Variants in SMURF2 observed in about 807,000 individuals in gnomAD.
SMURF2 encodes the protein E3 ubiquitin-protein ligase SMURF2.
In SMURF2, 48 loss-of-function variants were observed where a neutral mutation model predicts 109.6. The observed-to-expected ratio is 0.44, with a 90% confidence interval of 0.35 to 0.56. The LOEUF (loss-of-function observed/expected upper bound fraction) is 0.56, where lower values mean the gene tolerates loss of function less well. Ranked by LOEUF, SMURF2 falls within the 20% of genes least tolerant of loss-of-function variation. The probability of loss-of-function intolerance (pLI) is 0.01; values close to 1 mark genes in which losing one functional copy is unlikely to be tolerated. For synonymous variants in SMURF2, 288 were observed against 317.1 expected (o/e 0.91, Z 0.97); for missense variants, 575 against 909.0 (o/e 0.63, Z 4.72).
intron 1 of SMURF2, among the ~76,000 whole-genome samples, chr17:64,627,111 C>CTTTTTT (rs1204553792): frequency 2.5e-5 from 3 of 120,130 alleles, no homozygotes; most frequent in Non-Finnish European, 5.0e-5. Context: ...AGTTTTTTTC[C>CTTTTTT]TTTTTTTTTT....
intron 13 of SMURF2, 106 bp downstream of exon 13, chr17:64,557,502 G>A (rs1011219428): frequency 5.2e-6 from 4 of 773,632 alleles, no homozygotes; most frequent in East Asian, 5.8e-5. Context: ...GAGTCAAAGG[G>A]CACAACTAAG....
intron 2 of SMURF2, among the ~76,000 whole-genome samples, chr17:64,600,603 G>T (rs372271248): frequency 6.6e-6 from 1 of 152,146 alleles, no homozygotes; most frequent in Non-Finnish European, 1.5e-5. Context: ...AAATTTAGGC[G>T]TTAAGTTTCA....
At position 64,578,515 on chromosome 17, in the gene SMURF2, T is replaced by C; in HGVS notation, c.834A>G (p.Thr278=). Residue 278 remains threonine, a synonymous_variant, in exon 9 of 19, where the codon ACA becomes ACG. Coordinates refer to ENST00000262435, the MANE Select transcript of SMURF2 (RefSeq NM_022739.4). Reference sequence around the variant, plus strand: ...ACCTGGGCACTCTTGGATCATGCCATGTGCTCACACCAGTCTGTGTATGTA... The same window carrying C: ...ACCTGGGCACTCTTGGATCATGCCACGTGCTCACACCAGTCTGTGTATGTA... ...YFLHTQTGVS[T]WHDPRVPRDL... is the part of the protein sequence containing the mutation. The C allele has an allele frequency of 1.2e-6, 2 of 1,613,778 alleles. No individual in the cohort carries two copies. Among genetic ancestry groups the C allele is most frequent in the Non-Finnish European group, 1.7e-6 (2 of 1,179,644 alleles).
intron 11 of SMURF2, 137 bp downstream of exon 11, chr17:64,562,634 T>C: frequency 1.3e-6 from 1 of 762,988 alleles, no homozygotes; most frequent in Non-Finnish European, 2.0e-6. Context: ...CACCTCAGCC[T>C]CCCAAAGTGC....
chr17:64,572,607 A>T (rs1360287861), intron 9 of SMURF2, among the ~76,000 whole-genome samples: 1 of 152,240 alleles, frequency 6.6e-6, no homozygotes, highest in Non-Finnish European at 1.5e-5. Flanking sequence ...TTGCTATTAT[A>T]TTATACATTC....
Position 64,550,757 on chromosome 17 carries a change from CAAAA to C in SMURF2, c.1869+823_1869+826del, listed in dbSNP as rs146307567. Among the ~76,000 whole-genome samples, 138 of 69,700 alleles carry C rather than the reference CAAAA, an allele frequency of 2.0e-3. 1 individual carries two copies. Among genetic ancestry groups the C allele is most frequent in the African/African-American group, 5.0e-3 (130 of 25,776 alleles). 45.7% of individuals were successfully genotyped at this position (69,700 alleles called of 152,430 possible). On this transcript the variant is annotated intron_variant, in intron 16 of 18. Transcript: ENST00000262435. ...CCTCCAGCCTGGGCAACTCTGTCTC[CAAAA>C]AAAAAAAAAAAAAAAAGAGAGAGAC...
At chr17:64,636,996 G>C (rs1201021479) in intron 1 of SMURF2, among the ~76,000 whole-genome samples, 1 of 152,022 alleles carries the variant, frequency 6.6e-6, no homozygotes, top group African/African-American at 2.4e-5. Context: ...GAGACAAGAG[G>C]ATCTCTTGAG....
intron 1 of SMURF2, among the ~76,000 whole-genome samples, chr17:64,617,758 T>G (rs558794393): frequency 3.3e-5 from 5 of 152,178 alleles, no homozygotes; most frequent in Non-Finnish European, 7.4e-5. Context: ...CATGAGCCAC[T>G]GCGCCCAGCC....
intron 1 of SMURF2, among the ~76,000 whole-genome samples, chr17:64,647,687 A>G (rs1324133057): frequency 1.3e-5 from 2 of 152,052 alleles, no homozygotes; most frequent in Non-Finnish European, 2.9e-5. Flanking sequence ...TCTAAAAAAA[A>G]AAAAAAAAAG....
chr17:64,571,829 G>A lies in SMURF2; in HGVS notation c.985C>T (p.Arg329Trp). ...NNRTTQFTDPRLSANLHLVLN... is the reference protein window; with the variant it reads ...NNRTTQFTDPWLSANLHLVLN... ...ACTAAATGCAAGTTAGCAGACAGCCGAGGATCTGTAAATTGTGTTGTTCTG... is the reference window on the plus strand; with the variant it reads ...ACTAAATGCAAGTTAGCAGACAGCCAAGGATCTGTAAATTGTGTTGTTCTG... Residue 329 changes from arginine to tryptophan, a missense_variant, in exon 10 of 19, where the codon CGG becomes TGG. By Grantham distance (101) the Arg-to-Trp change is moderately radical. Coordinates refer to ENST00000262435, the MANE Select transcript of SMURF2 (RefSeq NM_022739.4). The A allele has an allele frequency of 2.5e-6, 4 of 1,612,494 alleles. No individual in the cohort carries two copies. Among genetic ancestry groups the A allele is most frequent in the Non-Finnish European group, 1.7e-6 (2 of 1,179,348 alleles).
intron 1 of SMURF2, among the ~76,000 whole-genome samples, chr17:64,635,144 T>C (rs886370573): frequency 9.9e-5 from 15 of 152,060 alleles, no homozygotes; most frequent in Middle Eastern, 3.4e-3. Context: ...CTGGCCAACA[T>C]GGTGAAATTC....
intron 11 of SMURF2, among the ~76,000 whole-genome samples, chr17:64,562,444 A>C (rs1248572570): frequency 6.6e-6 from 1 of 150,694 alleles, no homozygotes; most frequent in South Asian, 2.1e-4. Flanking sequence ...CAATGGTACA[A>C]TCTCGGCTCA....
chr17:64,592,358 T>C (rs1238461655), intron 4 of SMURF2, among the ~76,000 whole-genome samples: 1 of 152,208 alleles, frequency 6.6e-6, no homozygotes, highest in Non-Finnish European at 1.5e-5. Flanking sequence ...CCAATCCCAG[T>C]GTCTTTTCTC....
At chr17:64,634,818 G>C (rs368714929) in intron 1 of SMURF2, among the ~76,000 whole-genome samples, 5 of 152,178 alleles carry the variant, frequency 3.3e-5, no homozygotes, top group African/African-American at 1.2e-4. Flanking sequence ...TACATATCCT[G>C]GGTGCATTCA....
At chr17:64,659,973 T>C (rs189321057) in intron 1 of SMURF2, among the ~76,000 whole-genome samples, 159 of 152,276 alleles carry the variant, frequency 1.0e-3, no homozygotes, top group African/African-American at 3.7e-3. Context: ...GTATTTAAAA[T>C]TCCTCAGAAA....
intron 1 of SMURF2, among the ~76,000 whole-genome samples, chr17:64,633,568 C>T (rs1970375877): frequency 1.3e-5 from 2 of 152,122 alleles, no homozygotes; most frequent in African/African-American, 4.8e-5. Flanking sequence ...ATGTCATATT[C>T]ACTTTGTTGC....
intron 1 of SMURF2, among the ~76,000 whole-genome samples, chr17:64,651,765 A>G (rs549433364): frequency 3.4e-4 from 52 of 151,936 alleles, no homozygotes; most frequent in African/African-American, 1.2e-3. Flanking sequence ...TCTACAAAAA[A>G]TAAAAAAATT....
At chr17:64,580,113 G>GT (rs782287087) in intron 8 of SMURF2, among the ~76,000 whole-genome samples, 1 of 152,320 alleles carries the variant, frequency 6.6e-6, no homozygotes, top group South Asian at 2.1e-4. Context: ...GGGCAAAGAT[G>GT]TAAGTAACCT....
intron 5 of SMURF2, among the ~76,000 whole-genome samples, chr17:64,589,184 G>A (rs1244638007): frequency 4.6e-5 from 7 of 151,806 alleles, no homozygotes; most frequent in Admixed American, 1.3e-4. Context: ...ATATTTAAGA[G>A]TAAAACATTT....
Sources: allele counts gnomAD v4.1 joint callset (sites outside exome capture counted in the v4.1 genomes callset), GRCh38; gene constraint gnomAD v4.1.1; transcripts MANE v1.5; gene names NCBI Gene and HGNC (gene_info 2026-07-23, HGNC 2026-07-21).